AATK: variants seen among roughly 807,000 people sequenced by gnomAD.
AATK encodes lemur tail kinase 1.
Under a neutral mutation model 114.3 loss-of-function variants are expected in AATK, and 91 were observed. That is an observed-to-expected ratio of 0.80 (90% CI 0.67 to 0.95). The LOEUF (loss-of-function observed/expected upper bound fraction) is 0.95. AATK is among the 40% of genes least tolerant of loss of function. The pLI is 0.00. For missense variants in AATK, 2,176 were observed against 1,965.2 expected, an observed-to-expected ratio of 1.11 and a Z score of -2.03; for synonymous variants, 1,075 against 916.5, an observed-to-expected ratio of 1.17 and a Z score of -3.12.
chr17:81,127,047 G>A (rs1287941145), intron 6 of AATK, among the ~76,000 whole-genome samples: 3 of 148,850 alleles, frequency 2.0e-5, no homozygotes, highest in Non-Finnish European at 3.0e-5. Context: ...TGCATATGTG[G>A]AAGGGGGTGG....
chr17:81,128,854 C>T (rs1341084944), intron 3 of AATK: 24 of 1,189,080 alleles, frequency 2.0e-5, no homozygotes, highest in East Asian at 1.0e-4. Context: ...GAGCTCGACC[C>T]GTCACATGGG....
intron 1 of AATK, among the ~76,000 whole-genome samples, chr17:81,135,232 C>T (rs1180042774): frequency 6.6e-6 from 1 of 152,184 alleles, no homozygotes; most frequent in Admixed American, 6.5e-5. Flanking sequence ...TGAGCTGAGC[C>T]CGGCTTCCAA....
At chr17:81,136,820 A>G (rs776400309) in intron 1 of AATK, among the ~76,000 whole-genome samples, 1 of 152,068 alleles carries the variant, frequency 6.6e-6, no homozygotes, top group African/African-American at 2.4e-5. Context: ...GCAAGGAGAG[A>G]CGGCACACCT....
In AATK at chr17:81,121,165, G is replaced by T. The variant is rs2060694740; in HGVS notation, c.2771C>A (p.Ala924Asp). Residue 924 changes from alanine to aspartate, a missense_variant, in exon 11 of 14, where the codon GCC (alanine) becomes GAC (aspartate). Physicochemically the swap from Ala to Asp is moderately radical, Grantham distance 126. Transcript: ENST00000326724. ...DGGYEVFSPSATGPSGGQPRA... is the reference protein window; with the variant it reads ...DGGYEVFSPSDTGPSGGQPRA... Reference sequence around the variant, plus strand: ...CGGCTGCCCTCCAGAGGGGCCAGTGGCCGACGGGCTGAAGACCTCATAGCC... The same window carrying T: ...CGGCTGCCCTCCAGAGGGGCCAGTGTCCGACGGGCTGAAGACCTCATAGCC... 6.2e-7 allele frequency: 1 copy of T among 1,602,306 alleles called. No individual in the cohort carries two copies. Among genetic ancestry groups the T allele is most frequent in the African/African-American group, 1.3e-5 (1 of 74,734 alleles).
chr17:81,133,370 C>T, intron 2 of AATK: 1 of 344,938 alleles, frequency 2.9e-6, no homozygotes, highest in East Asian at 9.2e-5. Flanking sequence ...AGGGAGGACT[C>T]TGGGACTGTC....
chr17:81,120,699 C>A lies in AATK; in HGVS notation c.3237G>T (p.Glu1079Asp). 1.3e-6 allele frequency: 2 copies of A among 1,529,050 alleles called. No individual in the cohort carries two copies. The highest frequency in any genetic ancestry group is 8.8e-7 in the Non-Finnish European group (1 of 1,137,470). 94.7% of individuals were successfully genotyped at this position (1,529,050 alleles called of 1,614,324 possible). The change falls in exon 11 of 14, where the codon GAG becomes GAT. Residue 1079 changes from glutamate to aspartate, a missense_variant. By Grantham distance (45) the Glu-to-Asp change is conservative (BLOSUM62 2). Transcript: ENST00000326724. ...TGGCTGGGCCTTGGGGCTCCGGAGG[C>A]TCTGGGACCAGGCCCGAGGGGCAGG... The part of the protein sequence containing the change: ...PSTCPSGLVP[E>D]PPEPQGPAKV...
chr17:81,152,328 G>A (rs1358684513), intron 1 of AATK, among the ~76,000 whole-genome samples: 1 of 152,112 alleles, frequency 6.6e-6, no homozygotes, highest in African/African-American at 2.4e-5. Context: ...GCTCACACCT[G>A]TAATCCCAGA....
chr17:81,133,422 G>A (rs2060965482), intron 2 of AATK: 1 of 326,508 alleles, frequency 3.1e-6, no homozygotes, highest in Admixed American at 4.2e-5. Flanking sequence ...GGGTCACTTA[G>A]TAGGAAGGCA....
intron 1 of AATK, among the ~76,000 whole-genome samples, chr17:81,138,716 C>G (rs111211148): frequency 0.021 from 3,251 of 151,290 alleles, 121 homozygotes; most frequent in African/African-American, 0.075. Flanking sequence ...TACCCACACG[C>G]GCAAACCCAC....
In AATK at chr17:81,118,370, G is replaced by A. The variant is rs200812854; in HGVS notation, c.*32C>T. The A allele has an allele frequency of 3.8e-5, 60 of 1,591,628 alleles. No individual in the cohort carries two copies. Among genetic ancestry groups the A allele is most frequent in the Middle Eastern group, 3.3e-4 (2 of 6,048 alleles). On this transcript the variant is annotated 3_prime_UTR_variant, in exon 14 of 14. Coordinates refer to ENST00000326724, the MANE Select transcript of AATK (RefSeq NM_001080395.3). ...GCTGCCTGGCAGGGGCTCCGGTGAC[G>A]CCAGCCTTGAGGGGCAGGAGCTGCC...
Position 81,120,440 on chromosome 17 carries a change from C to G in AATK, c.3496G>C (p.Glu1166Gln), listed in dbSNP as rs768561727. Residue 1166 changes from glutamate to glutamine, a missense_variant, in exon 11 of 14, where the codon GAG becomes CAG. By Grantham distance (29) the Glu-to-Gln change is conservative. Around this residue, in one of 4 missense-constraint regions of AATK, gnomAD observed 1,701 missense variants for 1,394.7 expected, o/e 1.22. Transcript: ENST00000326724. ...GRPEEEEEDS[E>Q]DSDESDEELR... is the part of the protein sequence containing the mutation. ...TCCTCGTCAGACTCGTCGCTGTCCT[C>G]ACTGTCCTCCTCCTCCTCCTCCGGC... The G allele has an allele frequency of 1.9e-6, 3 of 1,571,528 alleles. No individual in the cohort carries two copies. The highest frequency in any genetic ancestry group is 2.6e-6 in the Non-Finnish European group (3 of 1,154,978).
chr17:81,165,405 C>A, intron 1 of AATK: 1 of 290,390 alleles, frequency 3.4e-6, no homozygotes, highest in Non-Finnish European at 6.9e-6. Flanking sequence ...CCCACCAAGG[C>A]CCCTCTCTTC....
chr17:81,120,997 G>A lies in AATK; in HGVS notation c.2939C>T (p.Ser980Phe), dbSNP rs1165850116. The A allele has an allele frequency of 1.9e-6, 3 of 1,610,568 alleles. No homozygotes were observed. Among genetic ancestry groups the A allele is most frequent in the South Asian group, 2.2e-5 (2 of 90,504 alleles). ...GEGPGPETRLSTSLSGLNEKN... is the reference protein window; with the variant it reads ...GEGPGPETRLFTSLSGLNEKN... The stretch of plus-strand genomic sequence containing the variant: ...CTCGTTGAGGCCACTGAGGGAGGTG[G>A]AGAGCCGTGTCTCGGGCCCGGGGCC... The change falls in exon 11 of 14, where the codon TCC becomes TTC. Residue 980 changes from serine to phenylalanine, a missense_variant. Physicochemically the swap from Ser to Phe is radical, Grantham distance 155. Transcript: ENST00000326724.
chr17:81,142,571 G>T (rs1036599703), intron 1 of AATK, among the ~76,000 whole-genome samples: 1 of 152,204 alleles, frequency 6.6e-6, no homozygotes, highest in Non-Finnish European at 1.5e-5. Flanking sequence ...GTCCAGCTCT[G>T]GAGCATTGGC....
chr17:81,134,567 T>C, intron 1 of AATK, 66 bp from the exon 2 acceptor site: 1 of 1,557,430 alleles, frequency 6.4e-7, no homozygotes, highest in Non-Finnish European at 8.7e-7. Context: ...GCCCCTGCTC[T>C]GGGCTCCACA....
At chr17:81,152,013 G>A (rs1000237414) in intron 1 of AATK, among the ~76,000 whole-genome samples, 7 of 152,198 alleles carry the variant, frequency 4.6e-5, no homozygotes, top group East Asian at 3.8e-4. Context: ...AGTGGCTCCC[G>A]CCTGTCATCC....
chr17:81,138,964 C>T (rs868834355), intron 1 of AATK, among the ~76,000 whole-genome samples: 8 of 151,278 alleles, frequency 5.3e-5, no homozygotes, highest in African/African-American at 1.5e-4. Flanking sequence ...CCCACACGTG[C>T]GCGCGCACCC....
At chr17:81,119,173 TCAGGTGAGGGTCAGGTGAGGGC>T (rs931759279) in intron 13 of AATK, among the ~76,000 whole-genome samples, 185 bp downstream of exon 13, 819 of 44,044 alleles carry the variant, frequency 0.019, 10 homozygotes, top group South Asian at 0.15. Flanking sequence ...CAGGTGAGGG[TCAGGTGAGGGTCAGGTGAGGGC>T]CAGGCGAGGG....
chr17:81,159,519 T>TTTTCCA (rs2061405896), intron 1 of AATK, among the ~76,000 whole-genome samples: 1 of 151,996 alleles, frequency 6.6e-6, no homozygotes, highest in Admixed American at 6.6e-5. Flanking sequence ...CGCAGGGGGT[T>TTTTCCA]CGAGGAAATT....
Sources: gnomAD v4.1 joint callset for allele counts (sites outside exome capture counted in the v4.1 genomes callset) on GRCh38, gnomAD v4.1.1 for gene constraint, gnomAD v4.1.1 regional missense constraint, MANE v1.5 for transcripts, NCBI Gene and HGNC (gene_info 2026-07-23, HGNC 2026-07-21) for gene names.